Variants in ADCY2 observed in about 807,000 individuals in gnomAD.
ADCY2 encodes adenylate cyclase type 2.
A neutral mutation model predicts 125.2 loss-of-function variants in ADCY2; 31 were observed. The observed-to-expected ratio is 0.25, with a 90% CI of 0.19 to 0.33. The LOEUF is 0.33. Ranked by LOEUF, ADCY2 falls within the 10% of genes least tolerant of loss-of-function variation. The pLI is 1.00. For missense variants in ADCY2, 904 were observed against 1,418.2 expected (o/e 0.64, Z 5.82); for synonymous variants, 512 against 548.4 (o/e 0.93, Z 0.93).
At chr5:7,504,609 TTTTC>T (rs1227719015) in intron 2 of ADCY2, among the ~76,000 whole-genome samples, 4 of 151,676 alleles carry the variant, frequency 2.6e-5, no homozygotes, top group African/African-American at 9.7e-5. Context: ...TCTCTTTCTT[TTTTC>T]TTTCTTTTTT....
In ADCY2 at chr5:7,585,806, T is replaced by G. The variant is rs560066696; in HGVS notation, c.571-40361T>G. Among the ~76,000 whole-genome samples, 6 of 152,332 alleles carry G rather than the reference T, an allele frequency of 3.9e-5. No individual in the cohort carries two copies. The East Asian group carries it at 1.2e-3, about 29-fold the overall frequency. On this transcript the variant is annotated intron_variant, in intron 3 of 24. Transcript: ENST00000338316. ...AACCCATTGAATTGCACACCAGAAC[T>G]GCTAAGAGTAGCATTTAGGTGTTCT...
At chr5:7,680,185 G>T (rs1256308728) in intron 4 of ADCY2, among the ~76,000 whole-genome samples, 1 of 152,204 alleles carries the variant, frequency 6.6e-6, no homozygotes, top group East Asian at 1.9e-4. Context: ...GTCAATGTTT[G>T]TGAGCAGTCT....
chr5:7,712,739 T>G, intron 10 of ADCY2, 117 bp from the exon 11 acceptor site: 1 of 705,234 alleles, frequency 1.4e-6, no homozygotes. Context: ...AATTAATTAT[T>G]TGTTAGTTAA....
chr5:7,469,056 G>A (rs1742233932), intron 2 of ADCY2, among the ~76,000 whole-genome samples: 3 of 151,842 alleles, frequency 2.0e-5, no homozygotes, highest in Admixed American at 2.0e-4. Context: ...TAAGTGAGTG[G>A]TTACTTTTAT....
chr5:7,499,648 G>GATATATATATATATATAT (rs70940741), intron 2 of ADCY2, among the ~76,000 whole-genome samples: 65 of 118,366 alleles, frequency 5.5e-4, no homozygotes, highest in Middle Eastern at 6.3e-3. Flanking sequence ...TATGTGGGTG[G>GATATATATATATATATAT]ATATATATAT....
At chr5:7,603,037 T>C (rs137897954) in intron 3 of ADCY2, among the ~76,000 whole-genome samples, 16 of 152,300 alleles carry the variant, frequency 1.1e-4, no homozygotes, top group African/African-American at 3.8e-4. Context: ...AGGAGGCTGC[T>C]GCAGATCCAG....
intron 2 of ADCY2, among the ~76,000 whole-genome samples, chr5:7,457,330 C>A (rs1741716402): frequency 6.6e-6 from 1 of 152,122 alleles, no homozygotes; most frequent in Admixed American, 6.5e-5. Context: ...CCTGGCTGGG[C>A]TTCCTGTGCA....
intron 3 of ADCY2, among the ~76,000 whole-genome samples, chr5:7,530,587 C>T (rs368270505): frequency 2.1e-5 from 3 of 144,682 alleles, no homozygotes; most frequent in Non-Finnish European, 1.5e-5. Flanking sequence ...AGCCAAGTCT[C>T]CCAGCCCCAG....
intron 22 of ADCY2, among the ~76,000 whole-genome samples, chr5:7,815,494 G>A (rs910650014): frequency 1.3e-5 from 2 of 152,144 alleles, no homozygotes; most frequent in South Asian, 2.1e-4. Context: ...GTTAAGTATT[G>A]GGGGAGCAGA....
rs1745136969 is a variant in ADCY2, at chr5:7,817,112, A to G, written c.2998+132A>G. The G allele has an allele frequency of 4.3e-6, 3 of 694,314 alleles. No homozygotes were observed. The Admixed American group carries it at 7.7e-5, about 18-fold the overall frequency. The allele number at this position is 694,314 out of a possible 1,614,324, so 43.0% of individuals were successfully genotyped here. On this transcript the variant is annotated intron_variant, in intron 23 of 24. Coordinates refer to ENST00000338316, the MANE Select transcript of ADCY2 (RefSeq NM_020546.3). Reference sequence around the variant, plus strand: ...CAAATGCATCCCGTTGCAAGACTGGATGACAGAAGGAAGGACACTTTTGAA... The same window carrying G: ...CAAATGCATCCCGTTGCAAGACTGGGTGACAGAAGGAAGGACACTTTTGAA...
In ADCY2 at chr5:7,754,256, TCAC is replaced by T. The variant is rs142697751; in HGVS notation, c.1957-3189_1957-3187del. On this transcript the variant is annotated intron_variant, in intron 15 of 24. Coordinates refer to ENST00000338316, the MANE Select transcript of ADCY2 (RefSeq NM_020546.3). ...TAGATTAGCATATTTGACAAGATTA[TCAC>T]CACGTATTTTTCTAAATCTTCAAAC... 3.0e-3 allele frequency among the ~76,000 whole-genome samples: 459 copies of T among 152,352 alleles called. 4 individuals are homozygous for T. In the East Asian group the frequency reaches 0.031, roughly 10 times the overall value.
chr5:7,436,145 G>A (rs59730388), intron 2 of ADCY2, among the ~76,000 whole-genome samples: 7,704 of 152,128 alleles, frequency 0.051, 668 homozygotes, highest in African/African-American at 0.18. Flanking sequence ...TTAAACAGAC[G>A]CACACATAAA....
intron 3 of ADCY2, among the ~76,000 whole-genome samples, chr5:7,544,013 C>CAAAAA (rs57983443): frequency 1.4e-5 from 1 of 70,696 alleles, no homozygotes; most frequent in Non-Finnish European, 2.5e-5. Context: ...GACTCCGTCT[C>CAAAAA]AAAAAAAAAA....
intron 17 of ADCY2, among the ~76,000 whole-genome samples, chr5:7,769,580 AT>A (rs1309089370): frequency 3.9e-5 from 6 of 152,172 alleles, no homozygotes; most frequent in Non-Finnish European, 7.3e-5. Context: ...ATATTTCCCA[AT>A]TTTTAACATC....
At chr5:7,765,977 T>TA (rs1743363244) in intron 16 of ADCY2, among the ~76,000 whole-genome samples, 1 of 152,104 alleles carries the variant, frequency 6.6e-6, no homozygotes, top group Non-Finnish European at 1.5e-5. Flanking sequence ...AAAAGAGAGA[T>TA]ACACATTTCT....
intron 2 of ADCY2, among the ~76,000 whole-genome samples, chr5:7,467,751 A>G (rs1196355695): frequency 6.6e-6 from 1 of 152,236 alleles, no homozygotes; most frequent in Admixed American, 6.5e-5. Flanking sequence ...CTCTTAGAGG[A>G]TAGGGCATAT....
chr5:7,458,226 A>G (rs1049922189), intron 2 of ADCY2, among the ~76,000 whole-genome samples: 2 of 152,240 alleles, frequency 1.3e-5, no homozygotes, highest in Non-Finnish European at 1.5e-5. Context: ...TATATTCTTA[A>G]TTAATGAACT....
Position 7,482,767 on chromosome 5 carries a change from G to GATATATATATATAT in ADCY2, c.409-37959_409-37946dup, listed in dbSNP as rs140354609. On this transcript the variant is annotated intron_variant, in intron 2 of 24. Transcript: ENST00000338316. ...GCTGATGAATGGATAAAGAAAATGTGATATATATATATATATATATATATA... is the reference window on the plus strand; with the variant it reads ...GCTGATGAATGGATAAAGAAAATGTGATATATATATATATATATATATATATATATATATATATA... 9.5e-3 allele frequency among the ~76,000 whole-genome samples: 1,133 copies of GATATATATATATAT among 118,958 alleles called. 10 individuals carry two copies. The highest frequency in any genetic ancestry group is 0.031 in the East Asian group (126 of 4,090). The allele number at this position is 118,958 out of a possible 152,430, so 78.0% of individuals were successfully genotyped here. A position where few individuals can be genotyped will look rare whatever the true frequency, so the allele number is the denominator to read the frequency against.
rs750898994 is a variant in ADCY2, at chr5:7,766,792, T to G, written c.2200T>G (p.Leu734Val). 55 of 1,609,294 alleles carry G rather than the reference T, an allele frequency of 3.4e-5. No homozygotes were observed. The highest frequency in any genetic ancestry group is 4.5e-5 in the Non-Finnish European group (53 of 1,179,004). The change falls in exon 17 of 25, where the codon TTA (leucine) becomes GTA (valine). Residue 734 changes from leucine to valine, a missense_variant. By Grantham distance (32) the Leu-to-Val change is conservative. This residue lies in a region of ADCY2 where 221 missense variants were observed against 246.2 expected (regional missense o/e 0.90). Coordinates refer to ENST00000338316, the MANE Select transcript of ADCY2 (RefSeq NM_020546.3). ...GGTGGCGATTCTGCGTGCGCAGAAT[T>G]TATTTTTCCTCCCGGTAAGAACATT... ...NQVAILRAQN[L>V]FFLPYFIYSC...
Sources: gnomAD v4.1 joint callset for allele counts (sites outside exome capture counted in the v4.1 genomes callset) on GRCh38, gnomAD v4.1.1 for gene constraint, gnomAD v4.1.1 regional missense constraint, MANE v1.5 for transcripts, NCBI Gene and HGNC (gene_info 2026-07-23, HGNC 2026-07-21) for gene names.